The following CLSTN2 variants were observed in gnomAD, a reference collection of about 807,000 sequenced individuals.
CLSTN2 encodes the protein calsyntenin-2.
A neutral mutation model predicts 101.2 loss-of-function variants in CLSTN2; 48 were observed. That is an observed-to-expected ratio of 0.47 (90% CI 0.38 to 0.60). The LOEUF (loss-of-function observed/expected upper bound fraction) is 0.60, where lower values mean the gene tolerates loss of function less well. Among genes scored for constraint, CLSTN2 ranks in the 20% least tolerant of loss-of-function variants. The pLI, the probability that CLSTN2 is intolerant of heterozygous loss-of-function variation, is 0.00. For missense variants in CLSTN2, 1,160 were observed against 1,238.2 expected, an observed-to-expected ratio of 0.94 and a Z score of 0.95; for synonymous variants, 481 against 463.6, an observed-to-expected ratio of 1.04 and a Z score of -0.48.
chr3:140,537,517 C>T (rs1019520575), intron 9 of CLSTN2, among the ~76,000 whole-genome samples: 1 of 151,900 alleles, frequency 6.6e-6, no homozygotes, highest in African/African-American at 2.4e-5. Context: ...GGTCCCCTTC[C>T]TCTGTGTAGC....
intron 1 of CLSTN2, among the ~76,000 whole-genome samples, chr3:140,125,768 T>C (rs763722241): frequency 1.3e-5 from 2 of 151,986 alleles, no homozygotes; most frequent in African/African-American, 2.4e-5. Flanking sequence ...GAGTGCAGAA[T>C]CTGGCTGAAA....
At chr3:140,023,971 G>A (rs2007369828) in intron 1 of CLSTN2, among the ~76,000 whole-genome samples, 3 of 152,184 alleles carry the variant, frequency 2.0e-5, no homozygotes, top group South Asian at 4.1e-4. Flanking sequence ...CTCTTTGGGG[G>A]ACTACAGTTG....
At chr3:140,288,801 C>G (rs531094378) in intron 2 of CLSTN2, among the ~76,000 whole-genome samples, 1 of 152,084 alleles carries the variant, frequency 6.6e-6, no homozygotes, top group African/African-American at 2.4e-5. Context: ...ATGAATTAAT[C>G]TTTAAGTGGA....
intron 1 of CLSTN2, among the ~76,000 whole-genome samples, chr3:140,174,789 A>G (rs149927894): frequency 0.021 from 3,262 of 152,278 alleles, 106 homozygotes; most frequent in African/African-American, 0.073. Flanking sequence ...CTCCCACAAC[A>G]TGTGGGAATT....
At chr3:140,377,022 C>CAGAGAGAG (rs1553738103) in intron 2 of CLSTN2, among the ~76,000 whole-genome samples, 31 of 148,832 alleles carry the variant, frequency 2.1e-4, no homozygotes, top group African/African-American at 7.2e-4. Flanking sequence ...CACACATACA[C>CAGAGAGAG]AGAGAGAGAG....
intron 12 of CLSTN2, among the ~76,000 whole-genome samples, chr3:140,559,653 A>G (rs1935870992): frequency 1.3e-5 from 2 of 152,076 alleles, no homozygotes; most frequent in African/African-American, 4.8e-5. Flanking sequence ...GACGGGGGAA[A>G]TATAAATTTC....
intron 2 of CLSTN2, among the ~76,000 whole-genome samples, chr3:140,184,799 G>A (rs1204731829): frequency 6.6e-6 from 1 of 152,058 alleles, no homozygotes; most frequent in Non-Finnish European, 1.5e-5. Flanking sequence ...TCTAATCATG[G>A]CATCTGGCTT....
intron 1 of CLSTN2, among the ~76,000 whole-genome samples, chr3:139,977,494 C>T (rs1388019891): frequency 3.4e-5 from 4 of 118,796 alleles, no homozygotes; most frequent in African/African-American, 1.1e-4. Flanking sequence ...GGGCATTAGC[C>T]ATAAACAGTA....
At chr3:140,066,972 C>T (rs2008310125) in intron 1 of CLSTN2, among the ~76,000 whole-genome samples, 1 of 152,230 alleles carries the variant, frequency 6.6e-6, no homozygotes, top group Non-Finnish European at 1.5e-5. Flanking sequence ...CAAGAGATGA[C>T]ATAAGTGGAT....
chr3:140,428,925 G>A (rs889543831), intron 5 of CLSTN2, among the ~76,000 whole-genome samples: 15 of 152,236 alleles, frequency 9.9e-5, no homozygotes, highest in Non-Finnish European at 1.5e-4. Context: ...GTCAGTAGGG[G>A]GGATCTTGGT....
intron 1 of CLSTN2, among the ~76,000 whole-genome samples, chr3:140,038,636 A>C (rs1325098169): frequency 2.6e-5 from 4 of 152,208 alleles, no homozygotes; most frequent in Admixed American, 2.6e-4. Flanking sequence ...CTTTTATTAA[A>C]TACATACCCA....
intron 6 of CLSTN2, 43 bp from the exon 7 acceptor site, chr3:140,459,478 C>G: frequency 1.2e-6 from 2 of 1,606,014 alleles, no homozygotes; most frequent in African/African-American, 1.3e-5. Flanking sequence ...GATGAGGACA[C>G]CGCATCATGA....
chr3:140,091,734 G>C (rs2008783185), intron 1 of CLSTN2, among the ~76,000 whole-genome samples: 1 of 152,110 alleles, frequency 6.6e-6, no homozygotes, highest in Admixed American at 6.6e-5. Flanking sequence ...AACACAGAAG[G>C]AACAATATCC....
chr3:140,361,962 G>T (rs2107950456), intron 2 of CLSTN2, among the ~76,000 whole-genome samples: 1 of 152,194 alleles, frequency 6.6e-6, no homozygotes, highest in Admixed American at 6.5e-5. Context: ...CTTTTTTGCA[G>T]AAATTGACAA....
intron 6 of CLSTN2, chr3:140,452,343 A>T (rs1933272441): frequency 6.6e-6 from 1 of 151,820 alleles, no homozygotes; most frequent in Non-Finnish European, 1.5e-5. Context: ...CTTCACTCAC[A>T]TTCTCCTCCC....
chr3:140,543,552 C>T (rs1935528130), intron 9 of CLSTN2, among the ~76,000 whole-genome samples: 1 of 152,172 alleles, frequency 6.6e-6, no homozygotes, highest in African/African-American at 2.4e-5. Flanking sequence ...GAGTGGCACC[C>T]CAGGCTGAGA....
intron 1 of CLSTN2, among the ~76,000 whole-genome samples, chr3:140,136,870 T>TATGA (rs1468879373): frequency 6.6e-6 from 1 of 152,084 alleles, no homozygotes; most frequent in Admixed American, 6.6e-5. Flanking sequence ...TAACCTCAGG[T>TATGA]ATGACTGTGG....
chr3:140,247,019 A>G (rs995477862), intron 2 of CLSTN2, among the ~76,000 whole-genome samples: 1 of 152,208 alleles, frequency 6.6e-6, no homozygotes, highest in African/African-American at 2.4e-5. Flanking sequence ...TGATTCCAGA[A>G]AACAGAATGT....
At chr3:140,020,664 C>T (rs1001623066) in intron 1 of CLSTN2, among the ~76,000 whole-genome samples, 11 of 152,264 alleles carry the variant, frequency 7.2e-5, no homozygotes, top group African/African-American at 2.6e-4. Flanking sequence ...CTGGTCTGAC[C>T]ACTAATAGCA....
Sources: allele counts gnomAD v4.1 joint callset (sites outside exome capture counted in the v4.1 genomes callset), GRCh38; gene constraint gnomAD v4.1.1; transcripts MANE v1.5; gene names NCBI Gene and HGNC (gene_info 2026-07-23, HGNC 2026-07-21).